The following CSTF3 variants were observed in gnomAD, a reference collection of about 807,000 sequenced individuals.
The protein encoded by CSTF3 is cleavage stimulation factor subunit 3, also known as CF-1 77 kDa subunit.
Under a neutral mutation model 105.8 loss-of-function variants are expected in CSTF3, and 29 were observed. The observed-to-expected ratio is 0.27, with a 90% CI of 0.20 to 0.37. CSTF3 has a LOEUF of 0.37. Ranked by LOEUF, CSTF3 falls within the 10% of genes least tolerant of loss-of-function variation. CSTF3 has a pLI of 1.00. For synonymous variants in CSTF3, 252 were observed against 281.9 expected, an observed-to-expected ratio of 0.89 and a Z score of 1.06; for missense variants, 357 against 879.3, an observed-to-expected ratio of 0.41 and a Z score of 7.51.
chr11:33,086,835 G>T (rs1855110341), intron 18 of CSTF3, among the ~76,000 whole-genome samples, 153 bp downstream of exon 18: 1 of 152,150 alleles, frequency 6.6e-6, no homozygotes, highest in East Asian at 1.9e-4. Context: ...AGTTAATCTA[G>T]TTCAAAGATT....
At chr11:33,150,037 C>CA (rs752822506) in intron 1 of CSTF3, among the ~76,000 whole-genome samples, 3 of 146,424 alleles carry the variant, frequency 2.0e-5, no homozygotes, top group African/African-American at 7.8e-5. Context: ...AACAAACAAA[C>CA]AACAACAACA....
At chr11:33,147,732 C>A (rs1855802813) in intron 1 of CSTF3, among the ~76,000 whole-genome samples, 1 of 152,082 alleles carries the variant, frequency 6.6e-6, no homozygotes, top group South Asian at 2.1e-4. Context: ...ATAACAAACA[C>A]CCAAAACCAC....
At chr11:33,144,109 C>T (rs1590284673) in intron 1 of CSTF3, among the ~76,000 whole-genome samples, 1 of 149,572 alleles carries the variant, frequency 6.7e-6, no homozygotes, top group South Asian at 2.2e-4. Flanking sequence ...GCCCCTATCA[C>T]TTTTCTCCCC....
intron 13 of CSTF3, among the ~76,000 whole-genome samples, chr11:33,098,315 T>C (rs1162232141): frequency 6.6e-6 from 1 of 152,160 alleles, no homozygotes. Flanking sequence ...GAAATATCTA[T>C]TAAGCAACAA....
chr11:33,139,246 C>G (rs1373039572), intron 3 of CSTF3, among the ~76,000 whole-genome samples: 2 of 151,412 alleles, frequency 1.3e-5, no homozygotes, highest in Admixed American at 1.3e-4. Context: ...TATGTATTTT[C>G]TATTAAAAAA....
At chr11:33,142,118 G>T (rs946432028) in intron 1 of CSTF3, 132 bp from the exon 2 acceptor site, 207 of 1,444,160 alleles carry the variant, frequency 1.4e-4, no homozygotes, top group Non-Finnish European at 1.8e-4. Flanking sequence ...TTATAAAAGA[G>T]AAGTGTGTTT....
intron 3 of CSTF3, among the ~76,000 whole-genome samples, chr11:33,123,171 T>G (rs1303261424): frequency 6.6e-6 from 1 of 151,034 alleles, no homozygotes; most frequent in African/African-American, 2.4e-5. Flanking sequence ...TTCCCTAATG[T>G]GCTCTTGTAA....
Position 33,086,002 on chromosome 11 carries a change from GA to G in CSTF3, c.1796-14del. 6.9e-7 allele frequency: 1 copy of G among 1,447,924 alleles called. No homozygotes were observed. 89.7% of individuals were successfully genotyped at this position (1,447,924 alleles called of 1,614,324 possible). On this transcript the variant is annotated splice_polypyrimidine_tract_variant and intron_variant, in intron 18 of 20. Transcript: ENST00000323959. ...TGTAAACCTGGAGCTGTGAGAAAAA[GA>G]AAAGTATGAATCAAGTGGAATGGAA...
At chr11:33,160,573 C>G (rs904077709) in intron 1 of CSTF3, among the ~76,000 whole-genome samples, 2 of 152,180 alleles carry the variant, frequency 1.3e-5, no homozygotes, top group African/African-American at 4.8e-5. Context: ...CTACAAAATT[C>G]TGAATACAAA....
chr11:33,092,120 A>G (rs895791724), intron 16 of CSTF3, 151 bp downstream of exon 16: 16 of 531,684 alleles, frequency 3.0e-5, no homozygotes, highest in African/African-American at 3.0e-4. Flanking sequence ...AAACAGGTAT[A>G]AAAGTACTGC....
At chr11:33,127,012 T>TAGC (rs1855550346) in intron 3 of CSTF3, among the ~76,000 whole-genome samples, 1 of 151,856 alleles carries the variant, frequency 6.6e-6, no homozygotes, top group Non-Finnish European at 1.5e-5. Context: ...CTGAAGAAAG[T>TAGC]AAAGCAGCTA....
chr11:33,148,434 C>T lies in CSTF3; in HGVS notation c.28-6448G>A, dbSNP rs112021181. 7.7e-4 allele frequency among the ~76,000 whole-genome samples: 117 copies of T among 152,262 alleles called. 3 individuals carry two copies. The Middle Eastern group carries it at 0.024, about 31-fold the overall frequency. On this transcript the variant is annotated intron_variant, in intron 1 of 20. Coordinates refer to ENST00000323959, the MANE Select transcript of CSTF3 (RefSeq NM_001326.3). ...ATGGCTCATCGGGTGCAGTGGCTCACGCCTGTAATCCCAGCATTTTGGGAG... is the reference window on the plus strand; with the variant it reads ...ATGGCTCATCGGGTGCAGTGGCTCATGCCTGTAATCCCAGCATTTTGGGAG...
chr11:33,130,247 T>C (rs1195728492), intron 3 of CSTF3, among the ~76,000 whole-genome samples: 1 of 151,968 alleles, frequency 6.6e-6, no homozygotes, highest in East Asian at 1.9e-4. Context: ...CCTAGGCGGG[T>C]GGATCACCAG....
chr11:33,131,240 G>T (rs942222989), intron 3 of CSTF3, among the ~76,000 whole-genome samples: 1 of 152,154 alleles, frequency 6.6e-6, no homozygotes, highest in Non-Finnish European at 1.5e-5. Context: ...CTACACAGAA[G>T]TTATTGTACC....
At position 33,090,649 on chromosome 11, in the gene CSTF3, C is replaced by T; in HGVS notation, c.1524G>A (p.Arg508=). ...LASILKVEKR[R]FTAFKEEYEG... is the part of the protein sequence containing the mutation. The stretch of plus-strand genomic sequence containing the variant: ...CATACTCTTCTTTGAATGCTGTAAA[C>T]CGTCTTTTCTCCACTTTGAGTATAC... Residue 508 remains arginine (R), a synonymous_variant, in exon 17 of 21, where the codon CGG becomes CGA. Coordinates refer to ENST00000323959, the MANE Select transcript of CSTF3 (RefSeq NM_001326.3). 1 of 1,612,234 alleles carries T rather than the reference C, an allele frequency of 6.2e-7. No homozygotes were observed. The highest frequency in any genetic ancestry group is 8.5e-7 in the Non-Finnish European group (1 of 1,179,286).
chr11:33,131,871 ATTG>A (rs1234482734), intron 3 of CSTF3, among the ~76,000 whole-genome samples: 13 of 152,090 alleles, frequency 8.5e-5, no homozygotes, highest in African/African-American at 2.7e-4. Context: ...TTTGAACATT[ATTG>A]TTCCTTTTAA....
chr11:33,151,712 G>A (rs1849782991), intron 1 of CSTF3, among the ~76,000 whole-genome samples: 1 of 152,022 alleles, frequency 6.6e-6, no homozygotes, highest in Non-Finnish European at 1.5e-5. Context: ...CTTTTTCTTG[G>A]ATATATACCT....
At chr11:33,129,323 C>A (rs1368966059) in intron 3 of CSTF3, among the ~76,000 whole-genome samples, 1 of 151,886 alleles carries the variant, frequency 6.6e-6, no homozygotes, top group Non-Finnish European at 1.5e-5. Context: ...AACTCCTGAC[C>A]TCGAGTGATC....
intron 3 of CSTF3, among the ~76,000 whole-genome samples, chr11:33,116,874 T>C (rs561636348): frequency 2.0e-4 from 30 of 151,466 alleles, no homozygotes; most frequent in African/African-American, 7.0e-4. Context: ...TCAGAGAAGG[T>C]AGAACAAGGA....
Sources: allele counts gnomAD v4.1 joint callset (sites outside exome capture counted in the v4.1 genomes callset), GRCh38; gene constraint gnomAD v4.1.1; transcripts MANE v1.5; gene names NCBI Gene and HGNC (gene_info 2026-07-23, HGNC 2026-07-21).